The following C8A variants were observed in gnomAD, a reference collection of about 807,000 sequenced individuals.
The protein encoded by C8A is complement component C8 alpha chain.
In C8A, 67 loss-of-function variants were observed where a neutral mutation model predicts 65.3. The ratio of observed to expected loss-of-function variants is 1.03; its 90% confidence interval spans 0.84 to 1.26. The LOEUF is 1.26. C8A is among the 50% of genes most tolerant of loss of function. The pLI is 0.00. For missense variants in C8A, 781 were observed against 723.9 expected (o/e 1.08, Z -0.90); for synonymous variants, 290 against 259.4 (o/e 1.12, Z -1.13).
At chr1:56,893,290 A>G (rs1305454582) in intron 7 of C8A, among the ~76,000 whole-genome samples, 2 of 152,114 alleles carry the variant, frequency 1.3e-5, no homozygotes, top group African/African-American at 2.4e-5. Context: ...ACTATTATGG[A>G]TTATAATTTC....
chr1:56,857,054 T>C (rs1206127681), intron 1 of C8A, among the ~76,000 whole-genome samples: 2 of 152,046 alleles, frequency 1.3e-5, no homozygotes, highest in East Asian at 1.9e-4. Flanking sequence ...TGTATTGGGA[T>C]TTGTTTTTTA....
rs142473572 is a variant in C8A at position 56,883,657 on chromosome 1, C to A, written c.831C>A (p.Asn277Lys). ...ACTCACAAGACACTTCATTCTTGAACGAATTAAACAAGTATAATGAGAAGG... is the reference window on the plus strand; with the variant it reads ...ACTCACAAGACACTTCATTCTTGAAAGAATTAAACAAGTATAATGAGAAGG... ...VSHSQDTSFL[N>K]ELNKYNEKKF... The change falls in exon 6 of 11, where the codon AAC becomes AAA. Residue 277 changes from asparagine to lysine, a missense_variant. Physicochemically the swap from Asn to Lys is moderately conservative, Grantham distance 94. Transcript: ENST00000361249. 2.5e-6 allele frequency: 4 copies of A among 1,613,522 alleles called. No individual in the cohort carries two copies. Among genetic ancestry groups the A allele is most frequent in the Non-Finnish European group, 8.5e-7 (1 of 1,179,694 alleles).
At chr1:56,888,006 T>A (rs1421858725) in intron 7 of C8A, among the ~76,000 whole-genome samples, 1 of 152,038 alleles carries the variant, frequency 6.6e-6, no homozygotes, top group Non-Finnish European at 1.5e-5. Context: ...AGGGGAGGGA[T>A]AGCATTAGGA....
chr1:56,874,069 C>G (rs1644173806), intron 2 of C8A, among the ~76,000 whole-genome samples: 1 of 152,198 alleles, frequency 6.6e-6, no homozygotes, highest in Non-Finnish European at 1.5e-5. Flanking sequence ...TCAGAGCTCT[C>G]TTTCTCTCTC....
At chr1:56,870,009 T>C (rs558866788) in intron 2 of C8A, among the ~76,000 whole-genome samples, 1 of 152,190 alleles carries the variant, frequency 6.6e-6, no homozygotes, top group Non-Finnish European at 1.5e-5. Flanking sequence ...CTGAAATTTG[T>C]TATTCTGCCT....
chr1:56,871,158 G>T (rs1243382114), intron 2 of C8A, among the ~76,000 whole-genome samples: 1 of 152,150 alleles, frequency 6.6e-6, no homozygotes, highest in Non-Finnish European at 1.5e-5. Flanking sequence ...TAATTTCTAG[G>T]TACCAGACAA....
intron 4 of C8A, 40 bp from the exon 5 acceptor site, chr1:56,881,405 G>A: frequency 6.2e-7 from 1 of 1,604,428 alleles, no homozygotes; most frequent in South Asian, 1.1e-5. Context: ...ATAAAACCCA[G>A]CATCCACTAG....
chr1:56,897,378 G>A (rs571978417), intron 7 of C8A, among the ~76,000 whole-genome samples: 2 of 152,274 alleles, frequency 1.3e-5, no homozygotes, highest in South Asian at 2.1e-4. Flanking sequence ...CTTGCATGTC[G>A]GAAGAAGTGT....
chr1:56,894,582 C>A (rs1318392304), intron 7 of C8A, among the ~76,000 whole-genome samples: 1 of 152,094 alleles, frequency 6.6e-6, no homozygotes, highest in Non-Finnish European at 1.5e-5. Context: ...AGCCAGTCTA[C>A]CACCTAACAC....
chr1:56,888,347 A>T (rs186548078), intron 7 of C8A, among the ~76,000 whole-genome samples: 1 of 152,294 alleles, frequency 6.6e-6, no homozygotes, highest in Admixed American at 6.5e-5. Context: ...ATTTAAAAAA[A>T]ATTCAAATGC....
At chr1:56,886,415 T>A (rs114096164) in intron 7 of C8A, among the ~76,000 whole-genome samples, 2,676 of 152,320 alleles carry the variant, frequency 0.018, 77 homozygotes, top group African/African-American at 0.061. Context: ...ATGCTTCTTA[T>A]TGCATCATAG....
intron 1 of C8A, among the ~76,000 whole-genome samples, chr1:56,856,378 A>G (rs1404373135): frequency 6.6e-6 from 1 of 152,160 alleles, no homozygotes; most frequent in Non-Finnish European, 1.5e-5. Flanking sequence ...ACTTAGATCA[A>G]TACCTGTTAC....
At chr1:56,879,381 T>C (rs1025536975) in intron 4 of C8A, among the ~76,000 whole-genome samples, 1 of 152,224 alleles carries the variant, frequency 6.6e-6, no homozygotes, top group Non-Finnish European at 1.5e-5. Flanking sequence ...TGACTACACC[T>C]TTCCCTTTTA....
chr1:56,864,391 G>C (rs1644063834), intron 1 of C8A, among the ~76,000 whole-genome samples: 1 of 152,076 alleles, frequency 6.6e-6, no homozygotes, highest in Non-Finnish European at 1.5e-5. Flanking sequence ...AGAGAAGAGG[G>C]GGTCTTATTG....
intron 2 of C8A, among the ~76,000 whole-genome samples, chr1:56,874,071 TTCTCTC>T (rs980679718): frequency 6.6e-6 from 1 of 152,154 alleles, no homozygotes; most frequent in African/African-American, 2.4e-5. Context: ...AGAGCTCTCT[TTCTCTC>T]TCTATCTCTT....
At chr1:56,877,256 G>A (rs1453672409) in intron 4 of C8A, among the ~76,000 whole-genome samples, 1 of 152,040 alleles carries the variant, frequency 6.6e-6, no homozygotes, top group African/African-American at 2.4e-5. Flanking sequence ...CTAGTCTATG[G>A]TATTTTGTTG....
At position 56,883,462 on chromosome 1, in the gene C8A, C is replaced by T. The variant is rs761417667; in HGVS notation, c.655-19C>T. ...GGCTCTATGTGCACAAAGCTAATAT[C>T]TATCCTTTTTTTTTTCAGGCCCTGG... On this transcript the variant is annotated intron_variant, in intron 5 of 10. Transcript: ENST00000361249. 2 of 1,597,404 alleles carry T rather than the reference C, an allele frequency of 1.3e-6. No individual in the cohort carries two copies. Among genetic ancestry groups the T allele is most frequent in the Non-Finnish European group, 1.7e-6 (2 of 1,165,354 alleles).
intron 5 of C8A, among the ~76,000 whole-genome samples, chr1:56,882,995 T>C (rs577073428): frequency 6.6e-6 from 1 of 152,246 alleles, no homozygotes; most frequent in African/African-American, 2.4e-5. Context: ...CAAGACCATG[T>C]CTCAGTTCAA....
chr1:56,863,194 T>C (rs890086525), intron 1 of C8A, among the ~76,000 whole-genome samples: 2 of 152,208 alleles, frequency 1.3e-5, no homozygotes, highest in African/African-American at 4.8e-5. Flanking sequence ...TCATTTATGA[T>C]CTTTCTTATG....
Sources: allele counts gnomAD v4.1 joint callset (sites outside exome capture counted in the v4.1 genomes callset), GRCh38; gene constraint gnomAD v4.1.1; transcripts MANE v1.5; gene names NCBI Gene and HGNC (gene_info 2026-07-23, HGNC 2026-07-21).